Variants in STK3 observed in about 807,000 individuals in gnomAD.
The protein encoded by STK3 is serine/threonine kinase 3.
STK3 carries 41 observed loss-of-function variants against 58.0 expected under a neutral mutation model. The ratio of observed to expected loss-of-function variants is 0.71; its 90% CI spans 0.55 to 0.92. The LOEUF is 0.92. STK3 is among the 40% of genes least tolerant of loss of function. The probability of loss-of-function intolerance (pLI) is 0.00; values close to 1 mark genes in which losing one functional copy is unlikely to be tolerated. For synonymous variants in STK3, 170 were observed against 191.0 expected (o/e 0.89, Z 0.91); for missense variants, 479 against 602.7 (o/e 0.79, Z 2.15).
At chr8:98,665,627 T>G (rs1031191502) in intron 6 of STK3, among the ~76,000 whole-genome samples, 14 of 151,848 alleles carry the variant, frequency 9.2e-5, no homozygotes, top group African/African-American at 3.1e-4. Flanking sequence ...ACTCCTAGAC[T>G]CAAGGAATCC....
chr8:98,414,587 A>T (rs1818093250), intron 3 of STK3, among the ~76,000 whole-genome samples: 1 of 152,220 alleles, frequency 6.6e-6, no homozygotes. Context: ...GCATACTCAA[A>T]TCCAACTTCG....
Position 98,854,407 on chromosome 8 carries a change from G to A in STK3, c.110+29240C>T, listed in dbSNP as rs186335953. ...GCCCAACTCTGCCTCCCAAAATGCC[G>A]AGATTACAGGCATGAGCCACCATGC... On this transcript the variant is annotated intron_variant, in intron 3 of 12. Coordinates refer to the STK3 transcript ENST00000523601. Among the ~76,000 whole-genome samples the A allele has an allele frequency of 3.6e-3, 544 of 152,138 alleles. 19 individuals carry two copies. In the South Asian group the frequency reaches 0.081, roughly 23 times the overall value.
At position 98,831,771 on chromosome 8, in the gene STK3, A is replaced by G. The variant is rs1447323843; in HGVS notation, c.110+51876T>C. 2.0e-5 allele frequency among the ~76,000 whole-genome samples: 3 copies of G among 152,320 alleles called. No individual in the cohort carries two copies. In the East Asian group the frequency reaches 5.8e-4, roughly 29 times the overall value. ...TGTTTCTCTTTTCTAACTTAGTTTT[A>G]TAGTTAGTTTGAAACTAGCATGTTG... is the stretch of plus-strand genomic sequence containing the variant. On this transcript the variant is annotated intron_variant, in intron 3 of 12. Transcript: ENST00000523601.
chr8:98,784,595 T>C (rs1323367026), intron 1 of STK3, among the ~76,000 whole-genome samples: 4 of 152,130 alleles, frequency 2.6e-5, no homozygotes, highest in Admixed American at 2.0e-4. Context: ...ATATAGATCA[T>C]GGCACAGTGG....
At chr8:98,661,876 C>G (rs924383359) in intron 6 of STK3, among the ~76,000 whole-genome samples, 1 of 152,050 alleles carries the variant, frequency 6.6e-6, no homozygotes, top group Non-Finnish European at 1.5e-5. Context: ...AGTGCCTATA[C>G]CTACCACCCA....
At chr8:98,896,908 G>T (rs1408633025) in intron 1 of STK3, among the ~76,000 whole-genome samples, 1 of 152,114 alleles carries the variant, frequency 6.6e-6, no homozygotes, top group African/African-American at 2.4e-5. Context: ...GAGCCCAATA[G>T]GTGGAGGCTG....
chr8:98,926,267 A>T (rs1839789919), intron 1 of STK3, among the ~76,000 whole-genome samples: 1 of 152,166 alleles, frequency 6.6e-6, no homozygotes, highest in Non-Finnish European at 1.5e-5. Context: ...TTCCTAGATC[A>T]CATTTGCAGC....
At chr8:98,649,463 A>G (rs1336403001) in intron 6 of STK3, among the ~76,000 whole-genome samples, 1 of 152,176 alleles carries the variant, frequency 6.6e-6, no homozygotes, top group African/African-American at 2.4e-5. Flanking sequence ...CTTCCATGTA[A>G]GTCTCTAGTA....
chr8:98,557,058 CTAAT>C (rs1263122339), intron 8 of STK3, among the ~76,000 whole-genome samples: 2 of 152,010 alleles, frequency 1.3e-5, no homozygotes, highest in African/African-American at 4.8e-5. Flanking sequence ...GAAATGAAAT[CTAAT>C]TATTCATTTT....
At chr8:98,417,560 C>G (rs1818129152) in intron 3 of STK3, among the ~76,000 whole-genome samples, 1 of 151,880 alleles carries the variant, frequency 6.6e-6, no homozygotes, top group Admixed American at 6.6e-5. Flanking sequence ...GTTTCTGGAG[C>G]CACCCTGTTT....
At chr8:98,447,599 A>G (rs575357909) in intron 1 of STK3, among the ~76,000 whole-genome samples, 1 of 147,218 alleles carries the variant, frequency 6.8e-6, no homozygotes, top group African/African-American at 2.5e-5. Context: ...TAGTATCTAT[A>G]TATTGCAATA....
At chr8:98,940,187 T>G (rs1840355011) in intron 1 of STK3, among the ~76,000 whole-genome samples, 1 of 152,042 alleles carries the variant, frequency 6.6e-6, no homozygotes, top group Non-Finnish European at 1.5e-5. Flanking sequence ...GTATCCAGCT[T>G]GTGCAGGAGC....
intron 10 of STK3, among the ~76,000 whole-genome samples, chr8:98,492,857 T>C (rs1425568445): frequency 6.6e-6 from 1 of 152,100 alleles, no homozygotes; most frequent in African/African-American, 2.4e-5. Context: ...CATCCCCTCC[T>C]CTTTCCTTAG....
chr8:98,381,234 G>A (rs1817728717), intron 1 of STK3, among the ~76,000 whole-genome samples: 1 of 152,092 alleles, frequency 6.6e-6, no homozygotes, highest in Non-Finnish European at 1.5e-5. Context: ...GCCTCCCAAA[G>A]TGCTGGGATT....
In STK3 at chr8:98,428,935, G is replaced by A. The variant is rs754040509; in HGVS notation, n.483+5192C>T. The stretch of plus-strand genomic sequence containing the variant: ...CACTCCACTGGCCTCCGCTCCCTGG[G>A]GGCCACTTTGAAATACAGCTACAAA... On this transcript the variant is annotated intron_variant and non_coding_transcript_variant, in intron 3 of 3. Transcript: ENST00000517832. The surrounding 1 kb of genome is among the most constrained non-coding windows in gnomAD (Gnocchi z 6.7). The A allele has an allele frequency of 1.2e-6, 2 of 1,614,070 alleles. No homozygotes were observed. Among genetic ancestry groups the A allele is most frequent in the Non-Finnish European group, 1.7e-6 (2 of 1,180,012 alleles).
chr8:98,681,734 A>G (rs1823657670), intron 6 of STK3, among the ~76,000 whole-genome samples: 1 of 152,208 alleles, frequency 6.6e-6, no homozygotes, highest in African/African-American at 2.4e-5. Context: ...CTGACTTCCC[A>G]TTCTACCCCT....
chr8:98,581,292 T>C (rs1813860877), intron 7 of STK3, among the ~76,000 whole-genome samples: 1 of 152,106 alleles, frequency 6.6e-6, no homozygotes, highest in Non-Finnish European at 1.5e-5. Context: ...GCGATGAAAG[T>C]CCTGACCCTT....
intron 10 of STK3, among the ~76,000 whole-genome samples, chr8:98,483,953 G>C (rs1183707205): frequency 6.6e-6 from 1 of 152,128 alleles, no homozygotes; most frequent in Non-Finnish European, 1.5e-5. Flanking sequence ...AAAAAGCTAA[G>C]AGTGCCACCT....
chr8:98,883,334 T>C (rs1282733361), downstream of STK3: 3 of 216,314 alleles, frequency 1.4e-5, no homozygotes, highest in African/African-American at 6.8e-5. Flanking sequence ...CAATGTACAT[T>C]CATTGGGGCT....
Sources: gnomAD v4.1 joint callset for allele counts (sites outside exome capture counted in the v4.1 genomes callset) on GRCh38, gnomAD v4.1.1 for gene constraint, Gnocchi (gnomAD v3.1) non-coding constraint, MANE v1.5 for transcripts, NCBI Gene and HGNC (gene_info 2026-07-23, HGNC 2026-07-21) for gene names.